Variants in KHDRBS2 observed in about 807,000 individuals in gnomAD.
The protein encoded by KHDRBS2 is KH RNA binding domain containing, signal transduction associated 2, also known as KH domain-containing, RNA-binding, signal transduction-associated protein 2.
KHDRBS2 carries 26 observed loss-of-function variants against 44.3 expected under a neutral mutation model. That is an observed-to-expected ratio of 0.59 (90% confidence interval 0.43 to 0.81). The LOEUF is 0.81. Ranked by LOEUF, KHDRBS2 falls within the 40% of genes least tolerant of loss-of-function variation. The pLI is 0.00. For synonymous variants in KHDRBS2, 194 were observed against 151.1 expected (o/e 1.28, Z -2.08); for missense variants, 476 against 433.1 (o/e 1.10, Z -0.88).
chr6:62,101,044 CTCT>C (rs1464028566), intron 2 of KHDRBS2, among the ~76,000 whole-genome samples: 1 of 152,138 alleles, frequency 6.6e-6, no homozygotes, highest in Non-Finnish European at 1.5e-5. Flanking sequence ...GAATTTTAAA[CTCT>C]TTTTTACAGC....
chr6:62,026,856 A>G (rs1268785516), intron 3 of KHDRBS2, among the ~76,000 whole-genome samples: 1 of 152,128 alleles, frequency 6.6e-6, no homozygotes, highest in Non-Finnish European at 1.5e-5. Flanking sequence ...CTGCATGCAT[A>G]CATCCTCTTT....
At chr6:62,119,908 G>C (rs1807191354) in intron 2 of KHDRBS2, among the ~76,000 whole-genome samples, 2 of 152,172 alleles carry the variant, frequency 1.3e-5, no homozygotes, top group African/African-American at 4.8e-5. Context: ...GTCCTGGCAG[G>C]CCTCAAGAGG....
At chr6:61,894,227 G>A (rs1416688974) in intron 6 of KHDRBS2, among the ~76,000 whole-genome samples, 2 of 151,938 alleles carry the variant, frequency 1.3e-5, no homozygotes, top group Admixed American at 1.3e-4. Flanking sequence ...CCAGCCACAC[G>A]GTCTTACAAT....
intron 1 of KHDRBS2, among the ~76,000 whole-genome samples, chr6:62,238,202 T>A (rs1834016823): frequency 6.6e-6 from 1 of 152,186 alleles, no homozygotes; most frequent in Non-Finnish European, 1.5e-5. Flanking sequence ...GCACAGTAGC[T>A]TATTAATAAT....
intron 6 of KHDRBS2, among the ~76,000 whole-genome samples, chr6:61,753,210 C>G (rs1777993335): frequency 6.6e-6 from 1 of 152,134 alleles, no homozygotes; most frequent in Admixed American, 6.6e-5. Flanking sequence ...TATCATCCCT[C>G]TTTGTCTTTC....
intron 3 of KHDRBS2, among the ~76,000 whole-genome samples, chr6:62,044,550 TA>T (rs1787258351): frequency 6.6e-6 from 1 of 151,964 alleles, no homozygotes; most frequent in South Asian, 2.1e-4. Context: ...TGTAGTACCT[TA>T]GCAGCATACC....
chr6:61,561,029 T>G, the KHDRBS2 span, among the ~76,000 whole-genome samples: 1,447 of 152,298 alleles, frequency 9.5e-3, 29 homozygotes, highest in African/African-American at 0.034. Context: ...CATTCTTATC[T>G]GTATTAGGTA....
At position 62,018,204 on chromosome 6, in the gene KHDRBS2, T is replaced by C. The variant is rs554021716; in HGVS notation, c.336+29674A>G. Among the ~76,000 whole-genome samples, 231 of 150,648 alleles carry C rather than the reference T, an allele frequency of 1.5e-3. 1 individual carries two copies. Among genetic ancestry groups the C allele is most frequent in the Admixed American group, 2.9e-3 (43 of 15,058 alleles). ...GTCTCAAAATATACAAATATAAAAA[T>C]ATACAAATATTCTTATATTTACGTA... is the stretch of plus-strand genomic sequence containing the variant. On this transcript the variant is annotated intron_variant, in intron 3 of 8. Transcript: ENST00000281156.
chr6:61,692,519 G>T (rs1197647732), intron 8 of KHDRBS2, among the ~76,000 whole-genome samples: 1 of 151,868 alleles, frequency 6.6e-6, no homozygotes, highest in Non-Finnish European at 1.5e-5. Context: ...TAATTTAACT[G>T]TGATAAAACC....
intron 7 of KHDRBS2, among the ~76,000 whole-genome samples, chr6:61,715,428 A>G (rs1217575985): frequency 6.6e-6 from 1 of 151,864 alleles, no homozygotes; most frequent in African/African-American, 2.4e-5. Flanking sequence ...CGCCTCAGCT[A>G]TATGCCCCAA....
intron 6 of KHDRBS2, among the ~76,000 whole-genome samples, chr6:61,745,427 A>G (rs1181392637): frequency 6.6e-6 from 1 of 152,168 alleles, no homozygotes; most frequent in Non-Finnish European, 1.5e-5. Flanking sequence ...GTTTAGAGTA[A>G]TGAAGTGCTA....
At chr6:62,039,375 T>C (rs905518497) in intron 3 of KHDRBS2, among the ~76,000 whole-genome samples, 2 of 151,866 alleles carry the variant, frequency 1.3e-5, no homozygotes, top group Non-Finnish European at 2.9e-5. Flanking sequence ...CATACAATTT[T>C]GAATTTCATT....
At chr6:61,993,594 T>C (rs1776552453) in intron 3 of KHDRBS2, among the ~76,000 whole-genome samples, 1 of 143,778 alleles carries the variant, frequency 7.0e-6, no homozygotes, top group Non-Finnish European at 1.5e-5. Flanking sequence ...TCTGGAGAAA[T>C]AAGATCATGG....
chr6:62,126,386 C>G (rs1008990605), intron 2 of KHDRBS2, among the ~76,000 whole-genome samples: 4 of 152,220 alleles, frequency 2.6e-5, no homozygotes, highest in Non-Finnish European at 5.9e-5. Context: ...GGCTCCCGGA[C>G]AGCATCTCTG....
At chr6:62,259,287 T>C (rs1417723292) in intron 1 of KHDRBS2, among the ~76,000 whole-genome samples, 1 of 152,048 alleles carries the variant, frequency 6.6e-6, no homozygotes, top group African/African-American at 2.4e-5. Flanking sequence ...AGGATCATAT[T>C]GCATATATAA....
chr6:62,135,075 T>C (rs1811210935), intron 2 of KHDRBS2, among the ~76,000 whole-genome samples: 1 of 152,114 alleles, frequency 6.6e-6, no homozygotes, highest in Admixed American at 6.5e-5. Flanking sequence ...AGGGACCAGG[T>C]GCAGAATGAT....
At chr6:61,823,598 G>A (rs1216950338) in intron 6 of KHDRBS2, among the ~76,000 whole-genome samples, 1 of 152,022 alleles carries the variant, frequency 6.6e-6, no homozygotes, top group African/African-American at 2.4e-5. Flanking sequence ...TAACAAATCA[G>A]TTCATTTTAT....
chr6:61,943,303 G>C (rs1454960864), intron 4 of KHDRBS2, among the ~76,000 whole-genome samples: 3 of 151,926 alleles, frequency 2.0e-5, no homozygotes, highest in African/African-American at 7.3e-5. Context: ...CATCATGGAA[G>C]CATATGAAAG....
the KHDRBS2 span, among the ~76,000 whole-genome samples, chr6:61,597,914 G>GTTT: frequency 5.3e-4 from 72 of 135,190 alleles, 1 homozygote; most frequent in Middle Eastern, 4.1e-3. Context: ...TTTTTTTTGT[G>GTTT]TTTTTTTTTT....
Sources: gnomAD v4.1 joint callset for allele counts (sites outside exome capture counted in the v4.1 genomes callset) on GRCh38, gnomAD v4.1.1 for gene constraint, MANE v1.5 for transcripts, NCBI Gene and HGNC (gene_info 2026-07-23, HGNC 2026-07-21) for gene names.